Variants in PXDN observed in about 807,000 individuals in gnomAD.
PXDN encodes the protein peroxidasin homolog.
PXDN carries 77 observed loss-of-function variants against 140.3 expected under a neutral mutation model. The observed-to-expected ratio is 0.55, with a 90% CI of 0.46 to 0.66. The LOEUF is 0.66. PXDN is among the 30% of genes least tolerant of loss of function. PXDN has a pLI of 0.00. For missense variants in PXDN, 1,838 were observed against 2,039.5 expected, an observed-to-expected ratio of 0.90 and a Z score of 1.90; for synonymous variants, 911 against 857.4, an observed-to-expected ratio of 1.06 and a Z score of -1.09.
At chr2:1,682,591 C>A (rs1169411026) in intron 6 of PXDN, among the ~76,000 whole-genome samples, 1 of 152,148 alleles carries the variant, frequency 6.6e-6, no homozygotes, top group Non-Finnish European at 1.5e-5. Context: ...TCCTAAAATG[C>A]CTTAATTATA....
At chr2:1,696,901 C>A (rs567305775) in intron 1 of PXDN, among the ~76,000 whole-genome samples, 1 of 152,286 alleles carries the variant, frequency 6.6e-6, no homozygotes, top group East Asian at 1.9e-4. Flanking sequence ...GAAGACACCA[C>A]AGACACAAGA....
chr2:1,739,057 C>T lies in PXDN; in HGVS notation c.200+5199G>A, dbSNP rs533974287. Reference sequence around the variant, plus strand: ...TCATCAGCTTCTGGCCAGTGTGTTCCGGGAAGATCAGATGCCTTCCATGGC... The same window carrying T: ...TCATCAGCTTCTGGCCAGTGTGTTCTGGGAAGATCAGATGCCTTCCATGGC... On this transcript the variant is annotated intron_variant, in intron 1 of 22. Coordinates refer to ENST00000252804, the MANE Select transcript of PXDN (RefSeq NM_012293.3). Among the ~76,000 whole-genome samples, 7 of 152,282 alleles carry T rather than the reference C, an allele frequency of 4.6e-5. No homozygotes were observed. The East Asian group carries it at 7.7e-4, about 17-fold the overall frequency.
At chr2:1,641,272 C>G (rs1026823410) in intron 19 of PXDN, among the ~76,000 whole-genome samples, 2 of 152,166 alleles carry the variant, frequency 1.3e-5, no homozygotes, top group Non-Finnish European at 2.9e-5. Flanking sequence ...CTGCCTCAGC[C>G]TCCCATGTAG....
At chr2:1,688,542 G>A (rs575582034) in intron 3 of PXDN, among the ~76,000 whole-genome samples, 3 of 152,246 alleles carry the variant, frequency 2.0e-5, no homozygotes, top group African/African-American at 7.2e-5. Context: ...CACCCATCTC[G>A]GACATGACTC....
upstream of PXDN, chr2:1,744,637 C>CGG: frequency 1.9e-6 from 1 of 523,488 alleles, no homozygotes; most frequent in Non-Finnish European, 2.8e-6. Context: ...GGCGAGAACC[C>CGG]GGGGCCCCAG....
chr2:1,648,045 A>G lies in PXDN; in HGVS notation c.3608+127T>C. 1.5e-6 allele frequency: 2 copies of G among 1,293,000 alleles called. No individual in the cohort carries two copies. Among genetic ancestry groups the G allele is most frequent in the Non-Finnish European group, 2.2e-6 (2 of 929,634 alleles). 80.1% of individuals were successfully genotyped at this position (1,293,000 alleles called of 1,614,324 possible). On this transcript the variant is annotated intron_variant, in intron 17 of 22. Coordinates refer to ENST00000252804, the MANE Select transcript of PXDN (RefSeq NM_012293.3). This position sits in a 1 kb window ranked among gnomAD's most constrained non-coding sequence, Gnocchi z 8.9. ...TCCCATCTTGACCTTCATGGACTTG[A>G]CCTTCATCTCACCTCTGCACGACAC...
intron 14 of PXDN, among the ~76,000 whole-genome samples, chr2:1,659,213 A>G (rs1430684804): frequency 6.6e-6 from 1 of 152,226 alleles, no homozygotes; most frequent in Non-Finnish European, 1.5e-5. Flanking sequence ...CACCGCTAAC[A>G]GACATCACAG....
intron 1 of PXDN, among the ~76,000 whole-genome samples, chr2:1,701,233 T>C (rs942470167): frequency 2.0e-5 from 3 of 152,232 alleles, no homozygotes; most frequent in Admixed American, 2.0e-4. Flanking sequence ...AGAGCTTGTG[T>C]TCCGAGAGTC....
In PXDN at chr2:1,744,425, G is replaced by C. The variant is rs995348999; in HGVS notation, c.31C>G (p.Arg11Gly). 6 of 1,506,730 alleles carry C rather than the reference G, an allele frequency of 4.0e-6. No homozygotes were observed. The highest frequency in any genetic ancestry group is 5.3e-6 in the Non-Finnish European group (6 of 1,134,982). 93.3% of individuals were successfully genotyped at this position (1,506,730 alleles called of 1,614,324 possible). A position where few individuals can be genotyped will look rare whatever the true frequency, so the allele number is the denominator to read the frequency against. Residue 11 changes from arginine (R) to glycine (G), a missense_variant, in exon 1 of 23, where the codon CGC becomes GGC. This residue lies in a region of PXDN where 231 missense variants were observed against 201.5 expected (regional missense o/e 1.15). Transcript: ENST00000252804. The stretch of plus-strand genomic sequence containing the variant: ...AACAGCACGAGCGCCAACAGGCAGC[G>C]GCGCCCGGGGCCCCTGGAGCGCTTG... MAKRSRGPGR[R>G]CLLALVLFCA...
intron 1 of PXDN, among the ~76,000 whole-genome samples, chr2:1,713,000 C>T (rs889271963): frequency 6.6e-6 from 1 of 152,220 alleles, no homozygotes; most frequent in Non-Finnish European, 1.5e-5. Flanking sequence ...GCTGGGACTA[C>T]AGGCGTGAGC....
At chr2:1,743,062 C>T (rs543471082) in intron 1 of PXDN, among the ~76,000 whole-genome samples, 2 of 152,224 alleles carry the variant, frequency 1.3e-5, no homozygotes, top group Non-Finnish European at 2.9e-5. Flanking sequence ...AAATTAGAGT[C>T]GGCGCCTGAA....
chr2:1,712,896 T>G (rs1421296917), intron 1 of PXDN, among the ~76,000 whole-genome samples: 1 of 152,124 alleles, frequency 6.6e-6, no homozygotes, highest in Non-Finnish European at 1.5e-5. Flanking sequence ...GGCTGATTTT[T>G]TGTATTTTTA....
chr2:1,709,216 G>A (rs933558433), intron 1 of PXDN, among the ~76,000 whole-genome samples: 11 of 152,190 alleles, frequency 7.2e-5, no homozygotes, highest in African/African-American at 1.4e-4. Context: ...CGGGGACCAC[G>A]AGCACTGCTG....
intron 7 of PXDN, among the ~76,000 whole-genome samples, chr2:1,677,583 C>T (rs985342421): frequency 6.6e-6 from 1 of 152,174 alleles, no homozygotes; most frequent in Non-Finnish European, 1.5e-5. Context: ...CTCCTGCGTG[C>T]CCGTGACTCC....
At chr2:1,737,611 C>T (rs1325708486) in intron 1 of PXDN, among the ~76,000 whole-genome samples, 1 of 151,796 alleles carries the variant, frequency 6.6e-6, no homozygotes, top group Non-Finnish European at 1.5e-5. Flanking sequence ...ACGATCTCAA[C>T]TCACTGCAAC....
Position 1,648,872 on chromosome 2 carries a change from A to G in PXDN, c.2908T>C (p.Cys970Arg). 6.2e-7 allele frequency: 1 copy of G among 1,602,330 alleles called. No homozygotes were observed. The highest frequency in any genetic ancestry group is 1.7e-4 in the Middle Eastern group (1 of 6,046). Residue 970 changes from cysteine (C) to arginine (R), a missense_variant, in exon 17 of 23, where the codon TGC becomes CGC. This residue lies in a region of PXDN where 850 missense variants were observed against 894.1 expected (regional missense o/e 0.95). Coordinates refer to ENST00000252804, the MANE Select transcript of PXDN (RefSeq NM_012293.3). This position sits in a 1 kb window ranked among gnomAD's most constrained non-coding sequence, Gnocchi z 8.9. ...MRDENESPIP[C>R]FLAGDHRANE... is the part of the protein sequence containing the mutation. ...GCGCGGTGGTCCCCGGCCAGGAAGC[A>G]GGGGATGGGGCTCTCGTTCTCGTCC...
Position 1,648,141 on chromosome 2 carries a change from C to T in PXDN, c.3608+31G>A, listed in dbSNP as rs371997326. On this transcript the variant is annotated intron_variant, in intron 17 of 22. Coordinates refer to ENST00000252804, the MANE Select transcript of PXDN (RefSeq NM_012293.3). This position sits in a 1 kb window ranked among gnomAD's most constrained non-coding sequence, Gnocchi z 8.9. ...CAGGTGTTCCAGGTGCCTAGGTACA[C>T]GAGCCATCCCACACAGCCTCTTCAG... 34 of 1,594,946 alleles carry T rather than the reference C, an allele frequency of 2.1e-5. No individual in the cohort carries two copies. Among genetic ancestry groups the T allele is most frequent in the Admixed American group, 5.1e-5 (3 of 59,198 alleles).
Position 1,737,204 on chromosome 2 carries a change from CG to C in PXDN, c.200+7051del, listed in dbSNP as rs61665269. The stretch of plus-strand genomic sequence containing the variant: ...AGAACACCCAAGGCCCTCAGACGCC[CG>C]GAGGACGGCTGCCATTCTTCACCTC... On this transcript the variant is annotated intron_variant, in intron 1 of 22. Coordinates refer to ENST00000252804, the MANE Select transcript of PXDN (RefSeq NM_012293.3). Among the ~76,000 whole-genome samples, 4 of 152,286 alleles carry C rather than the reference CG, an allele frequency of 2.6e-5. No homozygotes were observed. The East Asian group carries it at 7.7e-4, about 29-fold the overall frequency.
Position 1,687,772 on chromosome 2 carries a change from A to G in PXDN, c.345-69T>C. The G allele has an allele frequency of 1.6e-6, 2 of 1,212,640 alleles. No individual in the cohort carries two copies. The highest frequency in any genetic ancestry group is 2.4e-6 in the Non-Finnish European group (2 of 847,418). 75.1% of individuals were successfully genotyped at this position (1,212,640 alleles called of 1,614,324 possible). A position where few individuals can be genotyped will look rare whatever the true frequency, so the allele number is the denominator to read the frequency against. ...GTCAAACTTCAGACGGAAAAGAAGA[A>G]TTAAATTGACACATGGAGACAGTTT... On this transcript the variant is annotated intron_variant, in intron 3 of 22. Coordinates refer to ENST00000252804, the MANE Select transcript of PXDN (RefSeq NM_012293.3). The surrounding 1 kb of genome is among the most constrained non-coding windows in gnomAD (Gnocchi z 4.0).
Sources: allele counts gnomAD v4.1 joint callset (sites outside exome capture counted in the v4.1 genomes callset), GRCh38; gene constraint gnomAD v4.1.1; regional missense constraint gnomAD v4.1.1; non-coding constraint Gnocchi (gnomAD v3.1); transcripts MANE v1.5; gene names NCBI Gene and HGNC (gene_info 2026-07-23, HGNC 2026-07-21).